Variants in SLAMF9 observed in about 807,000 individuals in gnomAD.
SLAMF9 encodes the protein CD2 family member 10.
In SLAMF9, 25 loss-of-function variants were observed where a neutral mutation model predicts 30.4. The ratio of observed to expected loss-of-function variants is 0.82; its 90% CI spans 0.60 to 1.15. SLAMF9 has a LOEUF of 1.15. Ranked by LOEUF, SLAMF9 falls within the 50% of genes most tolerant of loss-of-function variation. SLAMF9 has a pLI of 0.00. For synonymous variants in SLAMF9, 129 were observed against 127.2 expected (o/e 1.01, Z -0.09); for missense variants, 344 against 346.1 (o/e 0.99, Z 0.05).
the SLAMF9 span, among the ~76,000 whole-genome samples, chr1:159,977,680 C>A: frequency 6.6e-6 from 1 of 152,144 alleles, no homozygotes; most frequent in Non-Finnish European, 1.5e-5. Context: ...AGGGAAAGGA[C>A]CCTGAGGCTT....
the SLAMF9 span, among the ~76,000 whole-genome samples, chr1:159,962,156 CA>C: frequency 0.021 from 2,799 of 131,698 alleles, 33 homozygotes; most frequent in South Asian, 0.037. Context: ...GACTCCATCT[CA>C]AAAAAAAAAA....
chr1:159,976,827 G>A, the SLAMF9 span: 1 of 150,976 alleles, frequency 6.6e-6, no homozygotes, highest in Non-Finnish European at 1.5e-5. Flanking sequence ...CAGATTCCTT[G>A]AGCCCAGGAG....
Position 159,953,346 on chromosome 1 carries a change from C to T in SLAMF9, c.354G>A (p.Gln118=). The change falls in exon 2 of 4, where the codon CAG becomes CAA. Residue 118 remains glutamine, a synonymous_variant. Transcript: ENST00000368093. ...YQAQVNLRTS[Q]ISTMQQYNIC... ...TATTGTACTGCTGCATGGTAGAGATCTGGGATGTTCTCAGGTTGACTTGAG... is the reference window on the plus strand; with the variant it reads ...TATTGTACTGCTGCATGGTAGAGATTTGGGATGTTCTCAGGTTGACTTGAG... 2 of 1,612,388 alleles carry T rather than the reference C, an allele frequency of 1.2e-6. No individual in the cohort carries two copies. The highest frequency in any genetic ancestry group is 1.7e-6 in the Non-Finnish European group (2 of 1,178,498).
chr1:159,983,041 A>T, the SLAMF9 span: 1 of 152,258 alleles, frequency 6.6e-6, no homozygotes, highest in African/African-American at 2.4e-5. Flanking sequence ...AAAATAAAAA[A>T]AGAAAAAAAG....
chr1:159,973,113 G>C, the SLAMF9 span: 1 of 1,529,966 alleles, frequency 6.5e-7, no homozygotes, highest in Admixed American at 1.9e-5. Flanking sequence ...GCAGAGTTCT[G>C]GGTGGGGGCC....
chr1:159,977,562 G>A, the SLAMF9 span, among the ~76,000 whole-genome samples: 2 of 152,232 alleles, frequency 1.3e-5, no homozygotes, highest in South Asian at 4.1e-4. Flanking sequence ...GCTACTGCTG[G>A]TAGGGCTAGG....
chr1:159,952,261 C>T lies in SLAMF9; in HGVS notation c.664+1G>A. ...AGGGGGTGTCTCAGGGGTTCTGGTA[C>T]CTGCATAGAAGGGCCCATCAGGGAT... On this transcript the variant is annotated splice_donor_variant, in intron 3 of 3. Transcript: ENST00000368093. LOFTEE classifies it high-confidence loss of function. The T allele has an allele frequency of 6.2e-7, 1 of 1,613,350 alleles. No homozygotes were observed. The highest frequency in any genetic ancestry group is 8.5e-7 in the Non-Finnish European group (1 of 1,179,784).
the SLAMF9 span, among the ~76,000 whole-genome samples, chr1:159,967,389 C>CAAT: frequency 6.6e-6 from 1 of 152,188 alleles, no homozygotes; most frequent in African/African-American, 2.4e-5. Context: ...ATTGTCCTTT[C>CAAT]CTCATTGTAG....
upstream of SLAMF9, among the ~76,000 whole-genome samples, chr1:159,956,246 C>G (rs571989948): frequency 3.3e-5 from 5 of 151,988 alleles, no homozygotes; most frequent in Non-Finnish European, 7.4e-5. Context: ...CAGGAAGATC[C>G]CTTGAGGCCA....
chr1:159,952,740 T>C (rs1420571550), intron 2 of SLAMF9, among the ~76,000 whole-genome samples: 1 of 152,226 alleles, frequency 6.6e-6, no homozygotes, highest in Non-Finnish European at 1.5e-5. Context: ...CAGAGCTGCC[T>C]TTGGCATCTT....
the SLAMF9 span, chr1:159,965,717 T>C: frequency 6.6e-6 from 1 of 152,354 alleles, no homozygotes; most frequent in Non-Finnish European, 1.5e-5. Context: ...CCACTATGTA[T>C]TGTCTTAATA....
At chr1:159,955,503 G>T (rs1439129499), upstream of SLAMF9, among the ~76,000 whole-genome samples, 1 of 152,214 alleles carries the variant, frequency 6.6e-6, no homozygotes, top group Non-Finnish European at 1.5e-5. Context: ...TTGGTCTTGT[G>T]CCAACATTTC....
At chr1:159,970,858 A>G in the SLAMF9 span, among the ~76,000 whole-genome samples, 1 of 152,226 alleles carries the variant, frequency 6.6e-6, no homozygotes, top group South Asian at 2.1e-4. Flanking sequence ...AAGCTGTTAT[A>G]TTCATGGTTA....
In SLAMF9 at chr1:159,951,523, C is replaced by G; in HGVS notation, c.*138G>C. ...TCACTTAATTTGACTTTATTGCCAG[C>G]CAGTCTTCCCTCAGAAGTATGGCTC... On this transcript the variant is annotated 3_prime_UTR_variant, in exon 4 of 4. Transcript: ENST00000368093. 1 of 737,982 alleles carries G rather than the reference C, an allele frequency of 1.4e-6. No homozygotes were observed. The highest frequency in any genetic ancestry group is 1.8e-5 in the South Asian group (1 of 55,966). 45.7% of individuals were successfully genotyped at this position (737,982 alleles called of 1,614,324 possible). A position where few individuals can be genotyped will look rare whatever the true frequency, so the allele number is the denominator to read the frequency against.
the SLAMF9 span, chr1:159,983,019 C>T: frequency 1.3e-5 from 2 of 152,160 alleles, no homozygotes; most frequent in Admixed American, 6.5e-5. Flanking sequence ...CAGAGTGAGA[C>T]TCCGTCTCAA....
At chr1:159,959,773 C>T in the SLAMF9 span, among the ~76,000 whole-genome samples, 9 of 152,112 alleles carry the variant, frequency 5.9e-5, 1 homozygote, top group Non-Finnish European at 1.3e-4. Context: ...CTCCCTTTCT[C>T]AGCCCTCCAT....
At chr1:159,955,717 C>T (rs138588743), upstream of SLAMF9, among the ~76,000 whole-genome samples, 3 of 152,076 alleles carry the variant, frequency 2.0e-5, no homozygotes, top group Non-Finnish European at 4.4e-5. Context: ...ATTGAAGGAG[C>T]CTATAATAAG....
At chr1:159,969,906 G>T in the SLAMF9 span, among the ~76,000 whole-genome samples, 28 of 152,116 alleles carry the variant, frequency 1.8e-4, no homozygotes, top group Middle Eastern at 3.4e-3. Context: ...GCTAGGCATG[G>T]TGGTGCACTG....
the SLAMF9 span, among the ~76,000 whole-genome samples, chr1:159,970,459 G>A: frequency 4.2e-4 from 64 of 152,308 alleles, no homozygotes; most frequent in African/African-American, 1.5e-3. Flanking sequence ...GGAACAGCAG[G>A]GCCATTTCTC....
Sources: gnomAD v4.1 joint callset for allele counts (sites outside exome capture counted in the v4.1 genomes callset) on GRCh38, gnomAD v4.1.1 for gene constraint, MANE v1.5 for transcripts, NCBI Gene and HGNC (gene_info 2026-07-23, HGNC 2026-07-21) for gene names.